MTF1: variants seen among roughly 807,000 people sequenced by gnomAD.
MTF1 encodes the protein MRE-binding transcription factor.
Under a neutral mutation model 70.4 loss-of-function variants are expected in MTF1, and 22 were observed. That is an observed-to-expected ratio of 0.31 (90% confidence interval 0.22 to 0.45). The LOEUF is 0.45. Ranked by LOEUF, MTF1 falls within the 20% of genes least tolerant of loss-of-function variation. The pLI, the probability that MTF1 is intolerant of heterozygous loss-of-function variation, is 1.00. For synonymous variants in MTF1, 333 were observed against 352.8 expected, an observed-to-expected ratio of 0.94 and a Z score of 0.63; for missense variants, 649 against 922.0, an observed-to-expected ratio of 0.70 and a Z score of 3.83.
rs763492190 is a variant in MTF1, at chr1:37,840,079, G to C, written c.488C>G (p.Thr163Ser). The C allele has an allele frequency of 1.2e-6, 2 of 1,614,270 alleles. No homozygotes were observed. The highest frequency in any genetic ancestry group is 1.7e-6 in the Non-Finnish European group (2 of 1,180,056). ...TAGNLRTHQKTHRGEYTFVCN... is the reference protein window; with the variant it reads ...TAGNLRTHQKSHRGEYTFVCN... ...GACAAAGGTGTACTCTCCTCGGTGA[G>C]TCTTCTGGTGGGTTCGCAGGTTGCC... Residue 163 changes from threonine (T) to serine (S), a missense_variant, in exon 3 of 11, where the codon ACT (threonine) becomes AGT (serine). Coordinates refer to ENST00000373036, the MANE Select transcript of MTF1 (RefSeq NM_005955.3). This position sits in a 1 kb window ranked among gnomAD's most constrained non-coding sequence, Gnocchi z 4.5.
intron 8 of MTF1, 61 bp downstream of exon 8, chr1:37,823,649 C>T: frequency 8.0e-7 from 1 of 1,244,342 alleles, no homozygotes. Flanking sequence ...ATTCATTGTG[C>T]CTGTGACTCA....
At chr1:37,835,650 C>A in intron 5 of MTF1, 21 bp downstream of exon 5, 1 of 1,609,396 alleles carries the variant, frequency 6.2e-7, no homozygotes, top group Non-Finnish European at 8.5e-7. Flanking sequence ...CTTGATGAAA[C>A]AAAAATTGGC....
intron 2 of MTF1, chr1:37,841,112 G>T: frequency 6.0e-6 from 1 of 166,326 alleles, no homozygotes; most frequent in South Asian, 1.4e-4. Flanking sequence ...GTCACCTCTC[G>T]AGGATGAGCT....
chr1:37,850,566 A>AAGAGAG lies in MTF1; in HGVS notation c.408+6679_408+6684dup, dbSNP rs59048233. On this transcript the variant is annotated intron_variant, in intron 2 of 10. Coordinates refer to ENST00000373036, the MANE Select transcript of MTF1 (RefSeq NM_005955.3). ...GAAAGAGAAAAAAAAGGGAGAGAGA[A>AAGAGAG]AGAGAGAGAGAGAGAGAGAGAGATC... 3.4e-5 allele frequency among the ~76,000 whole-genome samples: 5 copies of AAGAGAG among 146,640 alleles called. No individual in the cohort carries two copies. In the East Asian group the frequency reaches 7.9e-4, roughly 23 times the overall value.
chr1:37,837,072 T>C (rs1236295723), intron 4 of MTF1, among the ~76,000 whole-genome samples: 2 of 152,098 alleles, frequency 1.3e-5, no homozygotes, highest in Admixed American at 1.3e-4. Context: ...CAATTCCTTT[T>C]TTTTCTGAGA....
intron 3 of MTF1, 41 bp from the exon 4 acceptor site, chr1:37,838,797 CTT>C (rs746478428): frequency 0.024 from 11,109 of 469,434 alleles, 32 homozygotes; most frequent in South Asian, 0.033. Flanking sequence ...TCATAAAATT[CTT>C]TTTTTTTTTT....
intron 2 of MTF1, among the ~76,000 whole-genome samples, chr1:37,845,977 A>C (rs1641325722): frequency 6.6e-6 from 1 of 152,184 alleles, no homozygotes; most frequent in African/African-American, 2.4e-5. Context: ...AAAATTTCAC[A>C]AAAAGGGAAA....
chr1:37,842,495 G>C (rs999477917), intron 2 of MTF1, among the ~76,000 whole-genome samples: 2 of 152,096 alleles, frequency 1.3e-5, no homozygotes, highest in African/African-American at 4.8e-5. Context: ...TCTCATTGAT[G>C]ATACCCTCAA....
At chr1:37,847,697 C>T (rs1641354224) in intron 2 of MTF1, among the ~76,000 whole-genome samples, 1 of 152,182 alleles carries the variant, frequency 6.6e-6, no homozygotes. Context: ...CATTTTAAAA[C>T]ACTGTTGTAT....
At chr1:37,845,661 C>G (rs545050305) in intron 2 of MTF1, among the ~76,000 whole-genome samples, 5 of 152,100 alleles carry the variant, frequency 3.3e-5, no homozygotes, top group African/African-American at 7.2e-5. Flanking sequence ...TGTACCACCA[C>G]GCCTGGCTAA....
chr1:37,826,554 T>A (rs1324540818), intron 7 of MTF1: 1 of 455,370 alleles, frequency 2.2e-6, no homozygotes, highest in Non-Finnish European at 4.4e-6. Context: ...ATTACAAGTA[T>A]GAGCCACCAC....
rs919790401 is a variant in MTF1 at position 37,857,567 on chromosome 1, T to C, written c.92A>G (p.Asp31Gly). ...TGAGGAAGGCACCAGTCCGTTTTTATCCACAAACCTGAGCATTTTATCATC... is the reference window on the plus strand; with the variant it reads ...TGAGGAAGGCACCAGTCCGTTTTTACCCACAAACCTGAGCATTTTATCATC... ...TPDDKMLRFVDKNGLVPSSSG... is the reference protein window; with the variant it reads ...TPDDKMLRFVGKNGLVPSSSG... Residue 31 changes from aspartate (D) to glycine (G), a missense_variant, in exon 2 of 11, where the codon GAT (aspartate) becomes GGT (glycine). Transcript: ENST00000373036. The C allele has an allele frequency of 6.2e-7, 1 of 1,614,112 alleles. No homozygotes were observed. Among genetic ancestry groups the C allele is most frequent in the African/African-American group, 1.3e-5 (1 of 74,944 alleles).
At chr1:37,848,936 T>A (rs1641373545) in intron 2 of MTF1, among the ~76,000 whole-genome samples, 1 of 152,192 alleles carries the variant, frequency 6.6e-6, no homozygotes, top group South Asian at 2.1e-4. Context: ...GAATTTATAA[T>A]GAGGCATGAG....
intron 5 of MTF1, 28 bp from the exon 6 acceptor site, chr1:37,835,243 T>C: frequency 6.2e-7 from 1 of 1,603,822 alleles, no homozygotes. Flanking sequence ...TAGTGTTAAT[T>C]TACCATAAAG....
chr1:37,817,679 G>A (rs756153420), intron 9 of MTF1, among the ~76,000 whole-genome samples, 197 bp from the exon 10 acceptor site: 3 of 152,194 alleles, frequency 2.0e-5, no homozygotes, highest in Admixed American at 6.5e-5. Flanking sequence ...TGCTGACAAC[G>A]TAGTTAGCTT....
chr1:37,849,452 A>G (rs940839929), intron 2 of MTF1, among the ~76,000 whole-genome samples: 1 of 152,202 alleles, frequency 6.6e-6, no homozygotes, highest in African/African-American at 2.4e-5. Flanking sequence ...AAATTGCTGT[A>G]ACTGTGCTTG....
intron 2 of MTF1, among the ~76,000 whole-genome samples, chr1:37,854,279 G>T (rs1046394719): frequency 2.6e-5 from 4 of 152,242 alleles, no homozygotes; most frequent in African/African-American, 9.6e-5. Context: ...AAAGTGTTGG[G>T]ATTACAGGCG....
In MTF1 at chr1:37,835,683, G is replaced by A. The variant is rs1341140702; in HGVS notation, c.841C>T (p.Arg281Cys). 2 of 1,614,012 alleles carry A rather than the reference G, an allele frequency of 1.2e-6. No individual in the cohort carries two copies. Among genetic ancestry groups the A allele is most frequent in the Non-Finnish European group, 1.7e-6 (2 of 1,179,904 alleles). ...GGCCTAAACTCACCAGTATGTGTAC[G>A]AACGTGAGTTTTAAGGTGGTGGCTT... ...AASHHLKTHV[R>C]THTGERPFFC... is the part of the protein sequence containing the mutation. Residue 281 changes from arginine (R) to cysteine (C), a missense_variant, in exon 5 of 11, where the codon CGT (arginine) becomes TGT (cysteine). Arg to Cys is a radical substitution (Grantham distance 180). Around this residue, in one of 7 missense-constraint regions of MTF1, gnomAD observed 118 missense variants for 287.2 expected, o/e 0.41. Coordinates refer to ENST00000373036, the MANE Select transcript of MTF1 (RefSeq NM_005955.3).
At chr1:37,816,095 C>A (rs1640814997) in intron 10 of MTF1, among the ~76,000 whole-genome samples, 1 of 152,166 alleles carries the variant, frequency 6.6e-6, no homozygotes, top group Non-Finnish European at 1.5e-5. Context: ...TCTCTCCTTG[C>A]GGTACAGGAC....
Sources: gnomAD v4.1 joint callset for allele counts (sites outside exome capture counted in the v4.1 genomes callset) on GRCh38, gnomAD v4.1.1 for gene constraint, gnomAD v4.1.1 regional missense constraint, Gnocchi (gnomAD v3.1) non-coding constraint, MANE v1.5 for transcripts, NCBI Gene and HGNC (gene_info 2026-07-23, HGNC 2026-07-21) for gene names.